CACNA1C: variants seen among roughly 807,000 people sequenced by gnomAD.
CACNA1C encodes calcium voltage-gated channel subunit alpha1 C.
In CACNA1C, 30 loss-of-function variants were observed where a neutral mutation model predicts 229.0. The observed-to-expected ratio is 0.13, with a 90% CI of 0.10 to 0.18. CACNA1C has a LOEUF of 0.18. CACNA1C is among the 10% of genes least tolerant of loss of function. CACNA1C has a pLI of 1.00. For missense variants in CACNA1C, 1,658 were observed against 2,845.0 expected (o/e 0.58, Z 9.49); for synonymous variants, 1,114 against 1,132.5 (o/e 0.98, Z 0.33).
chr12:2,169,743 T>C (rs2096398636), intron 3 of CACNA1C, among the ~76,000 whole-genome samples: 1 of 152,220 alleles, frequency 6.6e-6, no homozygotes, highest in African/African-American at 2.4e-5. Context: ...TTTGAGGGCA[T>C]TGTGAGGCCT....
chr12:2,591,514 T>C (rs562624843), intron 18 of CACNA1C, among the ~76,000 whole-genome samples: 2 of 152,306 alleles, frequency 1.3e-5, no homozygotes, highest in East Asian at 3.9e-4. Context: ...AGGCAGAGGT[T>C]CTGCTGGGAT....
intron 4 of CACNA1C, among the ~76,000 whole-genome samples, chr12:2,452,312 C>T (rs895215326): frequency 3.3e-5 from 5 of 152,118 alleles, no homozygotes; most frequent in Non-Finnish European, 7.4e-5. Context: ...GGGACTGTGG[C>T]GGCCTCAGAT....
chr12:2,107,731 A>C (rs117466789), intron 1 of CACNA1C, among the ~76,000 whole-genome samples: 2,495 of 152,364 alleles, frequency 0.016, 29 homozygotes, highest in South Asian at 0.038. Context: ...GTCTTTTTGC[A>C]TAGGGTGGTT....
At chr12:2,590,261 G>A (rs894632116) in intron 18 of CACNA1C, among the ~76,000 whole-genome samples, 8 of 152,212 alleles carry the variant, frequency 5.3e-5, no homozygotes, top group African/African-American at 1.7e-4. Flanking sequence ...GGGGCTTTGA[G>A]TGCTACCCTG....
chr12:2,241,156 C>T (rs1336576360), intron 3 of CACNA1C, among the ~76,000 whole-genome samples: 2 of 152,042 alleles, frequency 1.3e-5, no homozygotes, highest in Non-Finnish European at 2.9e-5. Context: ...GTTCAAGAAG[C>T]CTCCATCCTC....
intron 1 of CACNA1C, among the ~76,000 whole-genome samples, chr12:2,059,306 A>G (rs2056516062): frequency 6.6e-6 from 1 of 152,086 alleles, no homozygotes; most frequent in Admixed American, 6.6e-5. Flanking sequence ...TCATCAGGGT[A>G]GTCAGTTACT....
At chr12:2,432,562 C>T (rs558751651) in intron 3 of CACNA1C, among the ~76,000 whole-genome samples, 233 of 152,200 alleles carry the variant, frequency 1.5e-3, no homozygotes, top group African/African-American at 5.2e-3. Context: ...GATTAGTGGC[C>T]GGGGCTAAGG....
chr12:2,072,827 A>G (rs928268458), intron 1 of CACNA1C, among the ~76,000 whole-genome samples: 1 of 152,212 alleles, frequency 6.6e-6, no homozygotes, highest in Non-Finnish European at 1.5e-5. Context: ...CTGTCAGTCA[A>G]CAATCAATCA....
intron 3 of CACNA1C, among the ~76,000 whole-genome samples, chr12:2,332,694 T>C (rs2096582694): frequency 6.6e-6 from 1 of 152,228 alleles, no homozygotes; most frequent in Non-Finnish European, 1.5e-5. Flanking sequence ...TGGAATAGGA[T>C]GTGCCCATTT....
rs1414288134 is a variant in CACNA1C, at chr12:2,662,131, A to G, written c.4233-2694A>G. ...GTAGCAGGCGCCTGTAGTCCCAGCTACTCAGGAGGCTAAGGTGGGAGAATC... is the reference window on the plus strand; with the variant it reads ...GTAGCAGGCGCCTGTAGTCCCAGCTGCTCAGGAGGCTAAGGTGGGAGAATC... On this transcript the variant is annotated intron_variant, in intron 34 of 46. Coordinates refer to ENST00000399655, the MANE Select transcript of CACNA1C (RefSeq NM_000719.7). Among the ~76,000 whole-genome samples, 4 of 151,890 alleles carry G rather than the reference A, an allele frequency of 2.6e-5. No homozygotes were observed. In the East Asian group the frequency reaches 5.8e-4, roughly 22 times the overall value.
At chr12:2,001,158 T>C (rs923526388) in intron 1 of CACNA1C, among the ~76,000 whole-genome samples, 2 of 152,212 alleles carry the variant, frequency 1.3e-5, no homozygotes, top group Admixed American at 6.5e-5. Context: ...TTCTGTTCTA[T>C]TACAGCTGCC....
chr12:2,141,387 G>A (rs958294476), intron 3 of CACNA1C, among the ~76,000 whole-genome samples: 3 of 151,192 alleles, frequency 2.0e-5, no homozygotes, highest in African/African-American at 7.3e-5. Context: ...GAGCTCACTG[G>A]GGAAGAAAGC....
chr12:2,459,781 C>A (rs957962602), intron 5 of CACNA1C, among the ~76,000 whole-genome samples: 5 of 152,156 alleles, frequency 3.3e-5, no homozygotes, highest in Non-Finnish European at 7.4e-5. Context: ...GTGATAGCAA[C>A]TGGGAGTTAA....
intron 3 of CACNA1C, among the ~76,000 whole-genome samples, chr12:2,383,477 C>T (rs139559116): frequency 1.3e-3 from 192 of 152,152 alleles, no homozygotes; most frequent in Middle Eastern, 3.4e-3. Context: ...TCCGGTTGAG[C>T]GAGGGGTCAG....
intron 5 of CACNA1C, among the ~76,000 whole-genome samples, chr12:2,468,389 G>A (rs188944333): frequency 3.5e-4 from 54 of 152,354 alleles, no homozygotes; most frequent in African/African-American, 1.2e-4. Context: ...TTCAGCATCC[G>A]TTCAAGGCCT....
chr12:2,317,225 C>T (rs1314233940), intron 3 of CACNA1C, among the ~76,000 whole-genome samples: 1 of 152,230 alleles, frequency 6.6e-6, no homozygotes, highest in Non-Finnish European at 1.5e-5. Context: ...TTCGTGGTAG[C>T]ATCACTCACA....
At chr12:2,434,524 T>A (rs545694047) in intron 3 of CACNA1C, among the ~76,000 whole-genome samples, 2 of 152,332 alleles carry the variant, frequency 1.3e-5, no homozygotes, top group Admixed American at 6.5e-5. Flanking sequence ...ACTTGATTTG[T>A]CTCCTTCCAG....
intron 3 of CACNA1C, among the ~76,000 whole-genome samples, chr12:2,402,645 G>A (rs899650344): frequency 1.3e-5 from 2 of 152,176 alleles, no homozygotes; most frequent in Non-Finnish European, 2.9e-5. Flanking sequence ...AAATCTTCAA[G>A]TGCACACTGA....
At chr12:2,024,844 C>T (rs2047038929) in intron 1 of CACNA1C, among the ~76,000 whole-genome samples, 1 of 152,182 alleles carries the variant, frequency 6.6e-6, no homozygotes, top group Non-Finnish European at 1.5e-5. Context: ...CAGGCTGTGG[C>T]ACCAATCACC....
Sources: gnomAD v4.1 joint callset for allele counts (sites outside exome capture counted in the v4.1 genomes callset) on GRCh38, gnomAD v4.1.1 for gene constraint, MANE v1.5 for transcripts, NCBI Gene and HGNC (gene_info 2026-07-23, HGNC 2026-07-21) for gene names.